RANBP3L: variants seen among roughly 807,000 people sequenced by gnomAD.
The protein encoded by RANBP3L is ran-binding protein 3-like.
Under a neutral mutation model 67.2 loss-of-function variants are expected in RANBP3L, and 56 were observed. That is an observed-to-expected ratio of 0.83 (90% CI 0.67 to 1.04). The LOEUF (loss-of-function observed/expected upper bound fraction) is 1.04, where lower values mean the gene tolerates loss of function less well. RANBP3L is among the 50% of genes least tolerant of loss of function. RANBP3L has a pLI of 0.00. For missense variants in RANBP3L, 496 were observed against 535.5 expected (o/e 0.93, Z 0.73); for synonymous variants, 164 against 181.4 (o/e 0.90, Z 0.77).
chr5:36,256,980 A>C lies in RANBP3L; in HGVS notation c.864T>G (p.Asp288Glu), dbSNP rs747426433. The change falls in exon 10 of 14, where the codon GAT (aspartate) becomes GAG (glutamate). Residue 288 changes from aspartate (D) to glutamate (E), a missense_variant. Transcript: ENST00000296604. The stretch of plus-strand genomic sequence containing the variant: ...GTTCTGTTTCCTCCCCTGTTATAAC[A>C]TCAATTTTCTCCAGCAAGCATTTTC... ...PSRKCLLEKI[D>E]VITGEETEHN... The C allele has an allele frequency of 1.7e-5, 28 of 1,613,216 alleles. No individual in the cohort carries two copies. In the Admixed American group the frequency reaches 4.7e-4, roughly 27 times the overall value.
At chr5:36,258,228 G>A (rs986927672) in intron 8 of RANBP3L, among the ~76,000 whole-genome samples, 62 of 152,034 alleles carry the variant, frequency 4.1e-4, no homozygotes, top group African/African-American at 1.5e-3. Flanking sequence ...ATCAAGGCCT[G>A]CACAAAAAAA....
At chr5:36,290,194 A>G (rs1751619859) in intron 1 of RANBP3L, among the ~76,000 whole-genome samples, 1 of 148,568 alleles carries the variant, frequency 6.7e-6, no homozygotes, top group African/African-American at 2.5e-5. Context: ...ATCATTCCTC[A>G]TACTGGTGGT....
intron 1 of RANBP3L, among the ~76,000 whole-genome samples, chr5:36,275,409 G>A (rs1194310081): frequency 2.0e-5 from 3 of 152,138 alleles, no homozygotes; most frequent in African/African-American, 4.8e-5. Flanking sequence ...TAACTTCAAT[G>A]CATCATACTC....
At chr5:36,287,929 C>T (rs1469252123) in intron 1 of RANBP3L, among the ~76,000 whole-genome samples, 7 of 152,152 alleles carry the variant, frequency 4.6e-5, no homozygotes. Context: ...TATTCTAATT[C>T]ATTGAGATAT....
intron 1 of RANBP3L, 113 bp from the exon 2 acceptor site, chr5:36,271,424 G>GT: frequency 1.5e-6 from 1 of 686,206 alleles, no homozygotes; most frequent in East Asian, 2.6e-5. Context: ...CTGCATTTGG[G>GT]TAAAAGCCAA....
At chr5:36,299,229 T>G (rs1392456) in intron 1 of RANBP3L, among the ~76,000 whole-genome samples, 1 of 151,832 alleles carries the variant, frequency 6.6e-6, no homozygotes, top group African/African-American at 2.4e-5. Context: ...CAGCCTATTG[T>G]GGGACCTTGT....
Position 36,249,389 on chromosome 5 carries a change from A to G in RANBP3L, c.*265T>C. The G allele has an allele frequency of 4.1e-6, 1 of 243,626 alleles. No individual in the cohort carries two copies. Among genetic ancestry groups the G allele is most frequent in the Non-Finnish European group, 7.8e-6 (1 of 128,208 alleles). The allele number at this position is 243,626 out of a possible 1,614,324, so 15.1% of individuals were successfully genotyped here. A position where few individuals can be genotyped will look rare whatever the true frequency, so the allele number is the denominator to read the frequency against. ...ATGAAGAGTCCAAATTAGTTATAAAATCCTATTCTAAATAAACTTCTTCAA... is the reference window on the plus strand; with the variant it reads ...ATGAAGAGTCCAAATTAGTTATAAAGTCCTATTCTAAATAAACTTCTTCAA... On this transcript the variant is annotated 3_prime_UTR_variant, in exon 14 of 14. Coordinates refer to ENST00000296604, the MANE Select transcript of RANBP3L (RefSeq NM_145000.5).
rs372124171 is a variant in RANBP3L at position 36,281,183 on chromosome 5, C to G, written c.92-9872G>C. ...TGAGCTGGGGCATGTCATTTGAACC[C>G]TAGAGTCCAGGTTTTCTCACCTGTG... On this transcript the variant is annotated intron_variant, in intron 1 of 13. Coordinates refer to ENST00000296604, the MANE Select transcript of RANBP3L (RefSeq NM_145000.5). Among the ~76,000 whole-genome samples, 10 of 152,220 alleles carry G rather than the reference C, an allele frequency of 6.6e-5. No individual in the cohort carries two copies. In the South Asian group the frequency reaches 1.9e-3, roughly 28 times the overall value.
intron 4 of RANBP3L, among the ~76,000 whole-genome samples, chr5:36,269,100 G>A (rs1275149078): frequency 2.0e-5 from 3 of 152,134 alleles, no homozygotes; most frequent in African/African-American, 7.2e-5. Flanking sequence ...AAATACAGAG[G>A]CATGGGGTAC....
intron 1 of RANBP3L, among the ~76,000 whole-genome samples, chr5:36,292,596 C>T (rs1309986408): frequency 2.0e-5 from 3 of 151,952 alleles, no homozygotes; most frequent in South Asian, 4.2e-4. Flanking sequence ...AAGGAAGGGA[C>T]CCAGTTTCAG....
chr5:36,263,276 A>G (rs955036698), intron 6 of RANBP3L, among the ~76,000 whole-genome samples: 3 of 152,214 alleles, frequency 2.0e-5, no homozygotes, highest in African/African-American at 7.2e-5. Context: ...AAAAATAAAT[A>G]TAAACAATAG....
chr5:36,271,177 T>G (rs1381274352), intron 2 of RANBP3L, 76 bp downstream of exon 2: 1 of 866,568 alleles, frequency 1.2e-6, no homozygotes, highest in East Asian at 2.4e-5. Context: ...CCGTGATATC[T>G]TTCAGGATAA....
chr5:36,278,042 C>T (rs1362135487), intron 1 of RANBP3L, among the ~76,000 whole-genome samples: 1 of 152,064 alleles, frequency 6.6e-6, no homozygotes, highest in African/African-American at 2.4e-5. Context: ...AATAATTTCC[C>T]ACTGGGTCCC....
chr5:36,266,756 ACTT>A (rs1749819129), intron 4 of RANBP3L, among the ~76,000 whole-genome samples: 1 of 19,742 alleles, frequency 5.1e-5, no homozygotes, highest in African/African-American at 1.7e-4. Context: ...TGTCTCTCTC[ACTT>A]TTTTTTTTTT....
intron 1 of RANBP3L, among the ~76,000 whole-genome samples, chr5:36,291,686 G>T (rs1751786246): frequency 6.7e-6 from 1 of 149,540 alleles, no homozygotes; most frequent in African/African-American, 2.5e-5. Flanking sequence ...TACTGAGAAT[G>T]ATAATTTCCA....
At chr5:36,265,353 C>A in intron 5 of RANBP3L, 96 bp downstream of exon 5, 1 of 808,062 alleles carries the variant, frequency 1.2e-6, no homozygotes, top group Admixed American at 2.5e-5. Flanking sequence ...CTCTGACCTA[C>A]CTCCATGCCC....
chr5:36,265,033 A>G lies in RANBP3L; in HGVS notation c.406T>C (p.Cys136Arg). 1 of 1,613,806 alleles carries G rather than the reference A, an allele frequency of 6.2e-7. No homozygotes were observed. Among genetic ancestry groups the G allele is most frequent in the Non-Finnish European group, 8.5e-7 (1 of 1,179,708 alleles). Residue 136 changes from cysteine to arginine, a missense_variant, in exon 6 of 14, where the codon TGT (cysteine) becomes CGT (arginine). Transcript: ENST00000296604. ...AILQLPQARS[C>R]AKVRKTFGHK... ...CCAAATGTTTTTCTTACTTTTGCAC[A>G]ACTTCGAGCTTGAGGTAGCTGCAAA...
chr5:36,279,020 C>T (rs985524643), intron 1 of RANBP3L, among the ~76,000 whole-genome samples: 5 of 151,966 alleles, frequency 3.3e-5, no homozygotes, highest in Non-Finnish European at 7.4e-5. Flanking sequence ...AATTCCTCAA[C>T]AAAAATTTGA....
At chr5:36,301,283 A>C in intron 1 of RANBP3L, 43 bp downstream of exon 1, 1 of 1,425,548 alleles carries the variant, frequency 7.0e-7, no homozygotes, top group Non-Finnish European at 9.9e-7. Context: ...GCAAATGCAC[A>C]GAAGGTCACA....
Sources: allele counts gnomAD v4.1 joint callset (sites outside exome capture counted in the v4.1 genomes callset), GRCh38; gene constraint gnomAD v4.1.1; transcripts MANE v1.5; gene names NCBI Gene and HGNC (gene_info 2026-07-23, HGNC 2026-07-21).